Variants in KCNAB2 observed in about 807,000 individuals in gnomAD.
The protein encoded by KCNAB2 is potassium voltage-gated channel subfamily A regulatory beta subunit 2, also known as voltage-gated potassium channel subunit beta-2.
KCNAB2 carries 29 observed loss-of-function variants against 63.6 expected under a neutral mutation model. That is an observed-to-expected ratio of 0.46 (90% CI 0.34 to 0.62). The LOEUF is 0.62. KCNAB2 is among the 20% of genes least tolerant of loss of function. The pLI is 0.01. For synonymous variants in KCNAB2, 222 were observed against 224.2 expected (o/e 0.99, Z 0.09); for missense variants, 359 against 563.9 (o/e 0.64, Z 3.68).
Position 5,994,287 on chromosome 1 carries a change from C to T in KCNAB2, c.-53+1499C>T, listed in dbSNP as rs544272479. ...GCAGGTTGCAGGGTTTGGGGACCTACGTGTGGAGAGTCACATCTGCCCACC... is the reference window on the plus strand; with the variant it reads ...GCAGGTTGCAGGGTTTGGGGACCTATGTGTGGAGAGTCACATCTGCCCACC... On this transcript the variant is annotated intron_variant, in intron 1 of 16. Coordinates refer to the KCNAB2 transcript ENST00000341524. This position sits in a 1 kb window ranked among gnomAD's most constrained non-coding sequence, Gnocchi z 5.4. 1.5e-3 allele frequency among the ~76,000 whole-genome samples: 234 copies of T among 152,336 alleles called. No homozygotes were observed. Among genetic ancestry groups the T allele is most frequent in the Non-Finnish European group, 3.0e-3 (202 of 68,032 alleles).
rs1358605391 is a variant in KCNAB2, at chr1:6,024,406, ATC to A, written c.-52-16107_-52-16106del. Among the ~76,000 whole-genome samples the A allele has an allele frequency of 6.6e-6, 1 of 152,162 alleles. No individual in the cohort carries two copies. The highest frequency in any genetic ancestry group is 1.5e-5 in the Non-Finnish European group (1 of 68,022). Reference sequence around the variant, plus strand: ...GCCAGTAGTGTCTTTTAAATGAAGTATCTCTAATTTTGCCACTCAGCATTTAC... The same window carrying A: ...GCCAGTAGTGTCTTTTAAATGAAGTATCTAATTTTGCCACTCAGCATTTAC... On this transcript the variant is annotated intron_variant, in intron 1 of 16. Transcript: ENST00000341524. This position sits in a 1 kb window ranked among gnomAD's most constrained non-coding sequence, Gnocchi z 5.4.
intron 2 of KCNAB2, among the ~76,000 whole-genome samples, chr1:6,055,211 G>A (rs1272816932): frequency 6.6e-6 from 1 of 152,168 alleles, no homozygotes; most frequent in Non-Finnish European, 1.5e-5. Context: ...TAACACAGGT[G>A]GAGAGAACAT....
At chr1:6,031,999 C>A (rs1659659533), upstream of KCNAB2, among the ~76,000 whole-genome samples, 1 of 152,194 alleles carries the variant, frequency 6.6e-6, no homozygotes, top group Non-Finnish European at 1.5e-5. The surrounding 1 kb of genome is among the most constrained non-coding windows in gnomAD (Gnocchi z 4.1). Flanking sequence ...TAAAGGGGCA[C>A]TATGGGCCTT....
rs1008346459 is a variant in KCNAB2, at chr1:6,069,605, G to A, written c.219-3150G>A. Among the ~76,000 whole-genome samples the A allele has an allele frequency of 1.3e-5, 2 of 152,182 alleles. No homozygotes were observed. Among genetic ancestry groups the A allele is most frequent in the African/African-American group, 2.4e-5 (1 of 41,448 alleles). ...AGGTTTCAACGATGGGGAAGAAATCGGTAGAAAATGATCTCTGTGTCTGGG... is the reference window on the plus strand; with the variant it reads ...AGGTTTCAACGATGGGGAAGAAATCAGTAGAAAATGATCTCTGTGTCTGGG... On this transcript the variant is annotated intron_variant, in intron 2 of 15. Transcript: ENST00000378083. The surrounding 1 kb of genome is among the most constrained non-coding windows in gnomAD (Gnocchi z 5.4).
At chr1:6,081,389 A>G (rs112642038) in intron 4 of KCNAB2, among the ~76,000 whole-genome samples, 5,754 of 152,306 alleles carry the variant, frequency 0.038, 346 homozygotes, top group African/African-American at 0.13. Flanking sequence ...GAAAGATTCA[A>G]TGAGGTACAA....
chr1:6,048,115 C>T (rs1232491439), intron 1 of KCNAB2, among the ~76,000 whole-genome samples: 1 of 152,226 alleles, frequency 6.6e-6, no homozygotes, highest in Non-Finnish European at 1.5e-5. Flanking sequence ...AGCCTTCCAC[C>T]ATCTTGTTGT....
chr1:6,004,881 CA>C (rs1274551626), intron 1 of KCNAB2, among the ~76,000 whole-genome samples: 1 of 148,846 alleles, frequency 6.7e-6, no homozygotes, highest in Non-Finnish European at 1.5e-5. Flanking sequence ...TCTTCCTCAT[CA>C]GACAGTTCCT....
At chr1:6,023,149 T>C (rs1309676462) in intron 1 of KCNAB2, among the ~76,000 whole-genome samples, 1 of 152,210 alleles carries the variant, frequency 6.6e-6, no homozygotes, top group East Asian at 1.9e-4. Flanking sequence ...CCCAAAGTGC[T>C]GGGATTACAG....
intron 1 of KCNAB2, among the ~76,000 whole-genome samples, chr1:6,050,103 G>A (rs538444271): frequency 3.7e-4 from 56 of 152,328 alleles, no homozygotes; most frequent in African/African-American, 7.9e-4. Flanking sequence ...TTCAAGGACC[G>A]TGCTAAAGCC....
chr1:6,084,705 A>G (rs1450819407), intron 5 of KCNAB2, among the ~76,000 whole-genome samples: 2 of 151,944 alleles, frequency 1.3e-5, no homozygotes, highest in Non-Finnish European at 2.9e-5. Context: ...AGTCCCAGCT[A>G]CTTGGGAGGC....
rs996061519 is a variant in KCNAB2 at position 6,028,516 on chromosome 1, C to T, written c.-52-12001C>T. Among the ~76,000 whole-genome samples, 2 of 152,214 alleles carry T rather than the reference C, an allele frequency of 1.3e-5. No individual in the cohort carries two copies. The highest frequency in any genetic ancestry group is 2.4e-5 in the African/African-American group (1 of 41,456). On this transcript the variant is annotated intron_variant, in intron 1 of 16. Coordinates refer to the KCNAB2 transcript ENST00000341524. This position sits in a 1 kb window ranked among gnomAD's most constrained non-coding sequence, Gnocchi z 4.0. Reference sequence around the variant, plus strand: ...GAGGCCTTCCGGAAGACACCCAGGACGTCACACCTAGCCCAGAACAGCCCC... The same window carrying T: ...GAGGCCTTCCGGAAGACACCCAGGATGTCACACCTAGCCCAGAACAGCCCC...
chr1:6,065,805 AC>A (rs547855557), intron 2 of KCNAB2, among the ~76,000 whole-genome samples: 6 of 151,040 alleles, frequency 4.0e-5, no homozygotes, highest in African/African-American at 1.5e-4. Context: ...GAAAATGCGC[AC>A]CCCCCAACCT....
intron 4 of KCNAB2, among the ~76,000 whole-genome samples, chr1:6,076,687 C>A (rs1663693171): frequency 6.6e-6 from 1 of 152,174 alleles, no homozygotes; most frequent in Non-Finnish European, 1.5e-5. Flanking sequence ...GCGGCCAGTG[C>A]TCAGCTGTGG....
chr1:6,074,383 G>A lies in KCNAB2; in HGVS notation c.300+613G>A, dbSNP rs114355115. ...TGCCGCCAGCGCCTCTGGGTCTCTCGGAAGGACAGGGACGGCACACGCCCA... is the reference window on the plus strand; with the variant it reads ...TGCCGCCAGCGCCTCTGGGTCTCTCAGAAGGACAGGGACGGCACACGCCCA... On this transcript the variant is annotated intron_variant, in intron 4 of 15. Coordinates refer to ENST00000378083, the MANE Select transcript of KCNAB2 (RefSeq NM_001199862.2). This position sits in a 1 kb window ranked among gnomAD's most constrained non-coding sequence, Gnocchi z 4.9. 5.3e-3 allele frequency among the ~76,000 whole-genome samples: 803 copies of A among 152,322 alleles called. 2 individuals are homozygous for A. Among genetic ancestry groups the A allele is most frequent in the African/African-American group, 0.018 (761 of 41,570 alleles).
chr1:6,037,252 T>G (rs1001358234), intron 1 of KCNAB2, among the ~76,000 whole-genome samples: 1 of 152,192 alleles, frequency 6.6e-6, no homozygotes, highest in African/African-American at 2.4e-5. Flanking sequence ...ATTCCGGAAT[T>G]CTGGAAGTTA....
chr1:6,048,138 T>A (rs1020900233), intron 1 of KCNAB2, among the ~76,000 whole-genome samples: 1 of 152,214 alleles, frequency 6.6e-6, no homozygotes, highest in Middle Eastern at 3.2e-3. Context: ...AGGGGGCGAT[T>A]ATTCACATCT....
At chr1:6,056,493 C>T (rs1332932099) in intron 2 of KCNAB2, among the ~76,000 whole-genome samples, 1 of 152,206 alleles carries the variant, frequency 6.6e-6, no homozygotes, top group Non-Finnish European at 1.5e-5. Context: ...CCCCTGTGGA[C>T]GTTAGGGTTC....
intron 1 of KCNAB2, among the ~76,000 whole-genome samples, chr1:6,010,229 C>A (rs2100265213): frequency 6.6e-6 from 1 of 152,170 alleles, no homozygotes; most frequent in African/African-American, 2.4e-5. Context: ...AAACTTATTT[C>A]TTAAATAAGC....
chr1:6,004,249 C>A (rs531834898), intron 1 of KCNAB2, among the ~76,000 whole-genome samples: 1 of 149,490 alleles, frequency 6.7e-6, no homozygotes, highest in African/African-American at 2.5e-5. Context: ...TTTTAAGAGA[C>A]ACGATCTTGC....
Sources: gnomAD v4.1 joint callset for allele counts (sites outside exome capture counted in the v4.1 genomes callset) on GRCh38, gnomAD v4.1.1 for gene constraint, Gnocchi (gnomAD v3.1) non-coding constraint, MANE v1.5 for transcripts, NCBI Gene and HGNC (gene_info 2026-07-23, HGNC 2026-07-21) for gene names.